The following LRP1B variants were observed in gnomAD, a reference collection of about 807,000 sequenced individuals.
LRP1B encodes LDL receptor related protein 1B, also known as low-density lipoprotein receptor-related protein 1B.
Under a neutral mutation model 556.6 loss-of-function variants are expected in LRP1B, and 217 were observed. That is an observed-to-expected ratio of 0.39 (90% CI 0.35 to 0.44). The LOEUF is 0.44. Among genes scored for constraint, LRP1B ranks in the 20% least tolerant of loss-of-function variants. LRP1B has a pLI of 1.00. For missense variants in LRP1B, 5,053 were observed against 5,620.8 expected, an observed-to-expected ratio of 0.90 and a Z score of 3.23; for synonymous variants, 2,047 against 1,865.8, an observed-to-expected ratio of 1.10 and a Z score of -2.50.
At chr2:141,891,436 T>A (rs1699287467) in intron 1 of LRP1B, among the ~76,000 whole-genome samples, 1 of 152,176 alleles carries the variant, frequency 6.6e-6, no homozygotes, top group South Asian at 2.1e-4. Context: ...TCTTCACTCA[T>A]ACATTCCTCC....
chr2:141,804,167 G>T (rs1050383796), intron 2 of LRP1B, among the ~76,000 whole-genome samples: 9 of 152,058 alleles, frequency 5.9e-5, no homozygotes, highest in Non-Finnish European at 2.9e-5. Flanking sequence ...TAGCCTGAAG[G>T]ATTCTTTTAG....
chr2:140,748,799 C>CATGTATATAATATATATGATAT (rs1559094721), intron 35 of LRP1B, among the ~76,000 whole-genome samples: 315 of 18,386 alleles, frequency 0.017, 17 homozygotes, highest in African/African-American at 0.047. Context: ...ATATTATATA[C>CATGTATATAATATATATGATAT]ATATTATATA....
rs140228471 is a variant in LRP1B at position 140,340,704 on chromosome 2, A to G, written c.11893-4866T>C. ...GTAGATTCTAACTTTTAAAATTAAC[A>G]TGTCACATTACATATCCAAAGTTTT... On this transcript the variant is annotated intron_variant, in intron 77 of 90. Transcript: ENST00000389484. Among the ~76,000 whole-genome samples the G allele has an allele frequency of 6.6e-5, 10 of 151,630 alleles. 1 individual carries two copies. In the East Asian group the frequency reaches 1.6e-3, roughly 24 times the overall value.
intron 18 of LRP1B, among the ~76,000 whole-genome samples, chr2:140,965,958 A>T (rs879002733): frequency 2.6e-5 from 4 of 152,070 alleles, no homozygotes; most frequent in East Asian, 1.9e-4. Context: ...TCTATCACTG[A>T]TGGACATTTG....
At chr2:141,823,479 A>G (rs900434637) in intron 1 of LRP1B, among the ~76,000 whole-genome samples, 1 of 152,144 alleles carries the variant, frequency 6.6e-6, no homozygotes, top group Admixed American at 6.6e-5. Context: ...GAAGTAACTG[A>G]CAGAGTCATC....
rs538804899 is a variant in LRP1B, at chr2:140,421,262, CAAAT to C, written c.10414+21238_10414+21241del. ...AAAGCAAGATTCTGTCTCAAAAAAA[CAAAT>C]AAATAAAAATAAATATGTGGTTTCC... On this transcript the variant is annotated intron_variant, in intron 66 of 90. Transcript: ENST00000389484. 7.9e-5 allele frequency among the ~76,000 whole-genome samples: 12 copies of C among 152,018 alleles called. No homozygotes were observed. The East Asian group carries it at 1.9e-3, about 25-fold the overall frequency.
chr2:141,224,294 T>C (rs997932782), intron 6 of LRP1B, among the ~76,000 whole-genome samples: 2 of 152,178 alleles, frequency 1.3e-5, no homozygotes, highest in African/African-American at 4.8e-5. Flanking sequence ...CGTGATGAGA[T>C]ACCATCTCAC....
Position 140,343,359 on chromosome 2 carries a change from C to T in LRP1B, c.11892+7438G>A, listed in dbSNP as rs373440786. On this transcript the variant is annotated intron_variant, in intron 77 of 90. Transcript: ENST00000389484. ...GAAAGTACTTATTCAAAATTAAGTG[C>T]GAATACTCTTTAATCTCGCATTTTC... Among the ~76,000 whole-genome samples, 9 of 151,430 alleles carry T rather than the reference C, an allele frequency of 5.9e-5. No individual in the cohort carries two copies. In the East Asian group the frequency reaches 7.8e-4, roughly 13 times the overall value.
intron 50 of LRP1B, among the ~76,000 whole-genome samples, chr2:140,516,416 C>A (rs1411291234): frequency 1.4e-5 from 2 of 147,334 alleles, no homozygotes; most frequent in East Asian, 4.5e-4. Context: ...AGGTTATATG[C>A]AACTACTAGG....
At chr2:140,284,424 A>C (rs1683042364) in intron 84 of LRP1B, among the ~76,000 whole-genome samples, 1 of 151,232 alleles carries the variant, frequency 6.6e-6, no homozygotes, top group Admixed American at 6.6e-5. Flanking sequence ...CATGAAAAAG[A>C]TTTCTATCTC....
chr2:140,559,611 G>T (rs2105073323), intron 43 of LRP1B, among the ~76,000 whole-genome samples: 1 of 152,168 alleles, frequency 6.6e-6, no homozygotes, highest in East Asian at 1.9e-4. Context: ...AACTGACGAG[G>T]CATGTCAAGA....
At chr2:140,724,716 T>C (rs1045760529) in intron 35 of LRP1B, among the ~76,000 whole-genome samples, 2 of 152,150 alleles carry the variant, frequency 1.3e-5, no homozygotes, top group Non-Finnish European at 2.9e-5. Context: ...TTGTTTGCTA[T>C]ATAGAAAAAA....
chr2:141,488,182 G>GT (rs35263253), intron 2 of LRP1B, among the ~76,000 whole-genome samples: 74,656 of 151,716 alleles, frequency 0.49, 18,715 homozygotes, highest in African/African-American at 0.56. Context: ...ACATTTATTT[G>GT]TTTTTTTCCC....
chr2:141,396,040 C>T (rs1245617557), intron 3 of LRP1B, among the ~76,000 whole-genome samples: 4 of 152,040 alleles, frequency 2.6e-5, no homozygotes, highest in African/African-American at 7.2e-5. Flanking sequence ...AAGACTAAAG[C>T]CATTATTTTT....
intron 2 of LRP1B, among the ~76,000 whole-genome samples, chr2:141,645,095 T>C (rs765908300): frequency 3.3e-5 from 5 of 152,048 alleles, no homozygotes; most frequent in African/African-American, 4.8e-5. Flanking sequence ...ATAAACACTA[T>C]GGATTTATAT....
At chr2:141,328,284 A>G (rs1319650826) in intron 3 of LRP1B, among the ~76,000 whole-genome samples, 1 of 152,228 alleles carries the variant, frequency 6.6e-6, no homozygotes, top group Non-Finnish European at 1.5e-5. Context: ...CTCAATCTCT[A>G]TACCTCACTT....
intron 32 of LRP1B, among the ~76,000 whole-genome samples, chr2:140,787,897 G>A (rs969312139): frequency 2.2e-4 from 33 of 152,060 alleles, no homozygotes; most frequent in African/African-American, 7.5e-4. Flanking sequence ...ATTCTTCAGG[G>A]CAGGAGATAT....
chr2:141,558,357 AT>A (rs536340670), intron 2 of LRP1B, among the ~76,000 whole-genome samples: 38 of 151,498 alleles, frequency 2.5e-4, no homozygotes, highest in African/African-American at 5.3e-4. Flanking sequence ...AGAGGTAGAT[AT>A]TTTTTTTCCC....
At chr2:141,995,937 C>T (rs1702476623) in intron 1 of LRP1B, among the ~76,000 whole-genome samples, 1 of 152,070 alleles carries the variant, frequency 6.6e-6, no homozygotes, top group South Asian at 2.1e-4. Context: ...AAAAAGGATA[C>T]TAATGATCTT....
Sources: gnomAD v4.1 joint callset for allele counts (sites outside exome capture counted in the v4.1 genomes callset) on GRCh38, gnomAD v4.1.1 for gene constraint, MANE v1.5 for transcripts, NCBI Gene and HGNC (gene_info 2026-07-23, HGNC 2026-07-21) for gene names.